Variants in ATXN10 observed in about 807,000 individuals in gnomAD.
ATXN10 encodes the protein ataxin-10.
ATXN10 carries 28 observed loss-of-function variants against 52.9 expected under a neutral mutation model. That is an observed-to-expected ratio of 0.53 (90% CI 0.39 to 0.73). The LOEUF is 0.73. ATXN10 is among the 30% of genes least tolerant of loss of function. The probability of loss-of-function intolerance (pLI) is 0.00; values close to 1 mark genes in which losing one functional copy is unlikely to be tolerated. For synonymous variants in ATXN10, 226 were observed against 221.5 expected, an observed-to-expected ratio of 1.02 and a Z score of -0.18; for missense variants, 565 against 577.0, an observed-to-expected ratio of 0.98 and a Z score of 0.21.
chr22:45,700,551 G>C (rs1944510941), intron 4 of ATXN10, among the ~76,000 whole-genome samples, 173 bp downstream of exon 4: 1 of 151,996 alleles, frequency 6.6e-6, no homozygotes, highest in Non-Finnish European at 1.5e-5. Flanking sequence ...GAAACACCTG[G>C]GTCCTGGAAG....
intron 2 of ATXN10, among the ~76,000 whole-genome samples, chr22:45,691,661 C>T (rs921703817): frequency 6.6e-6 from 1 of 152,280 alleles, no homozygotes; most frequent in South Asian, 2.1e-4. Flanking sequence ...TTTGGGAGGC[C>T]GAGGCGGGTG....
At chr22:45,765,151 A>T (rs148205769) in intron 9 of ATXN10, among the ~76,000 whole-genome samples, 1 of 152,154 alleles carries the variant, frequency 6.6e-6, no homozygotes. Flanking sequence ...AGCCAAGGAG[A>T]TTGCCCTCTC....
At position 45,738,763 on chromosome 22, in the gene ATXN10, C is replaced by T; in HGVS notation, c.927C>T (p.Val309=). Residue 309 remains valine, a synonymous_variant, in exon 8 of 12, where the codon GTC becomes GTT. Transcript: ENST00000252934. ...TGGCTACAATTAGGCTTCTCGACGT[C>T]CTGTGCGAAATGACTGTGAATACTG... ...EALATIRLLD[V]LCEMTVNTEL... 6.2e-7 allele frequency: 1 copy of T among 1,614,126 alleles called. No homozygotes were observed. The highest frequency in any genetic ancestry group is 8.5e-7 in the Non-Finnish European group (1 of 1,180,008).
Position 45,681,041 on chromosome 22 carries a change from C to T in ATXN10, c.117-8671C>T, listed in dbSNP as rs1601585374. Reference sequence around the variant, plus strand: ...TTTCAGACCTTTTTCCTCCATAGACCACTCCAACTTTTAATCTCATGACAT... The same window carrying T: ...TTTCAGACCTTTTTCCTCCATAGACTACTCCAACTTTTAATCTCATGACAT... On this transcript the variant is annotated intron_variant, in intron 1 of 11. Coordinates refer to ENST00000252934, the MANE Select transcript of ATXN10 (RefSeq NM_013236.4). This position sits in a 1 kb window ranked among gnomAD's most constrained non-coding sequence, Gnocchi z 4.2. Among the ~76,000 whole-genome samples the T allele has an allele frequency of 6.6e-6, 1 of 152,046 alleles. No individual in the cohort carries two copies. Among genetic ancestry groups the T allele is most frequent in the African/African-American group, 2.4e-5 (1 of 41,392 alleles).
At chr22:45,822,912 A>C (rs147942432) in intron 10 of ATXN10, among the ~76,000 whole-genome samples, 2 of 152,248 alleles carry the variant, frequency 1.3e-5, no homozygotes, top group East Asian at 3.9e-4. Context: ...TTTTTTGCCC[A>C]TAGTTAGGTG....
At chr22:45,797,373 C>G (rs1249540399) in intron 9 of ATXN10, among the ~76,000 whole-genome samples, 1 of 152,198 alleles carries the variant, frequency 6.6e-6, no homozygotes, top group Non-Finnish European at 1.5e-5. Context: ...TATTCTGTCT[C>G]TACAGCAGAA....
intron 9 of ATXN10, among the ~76,000 whole-genome samples, chr22:45,806,456 T>G (rs1333536559): frequency 6.6e-6 from 1 of 152,216 alleles, no homozygotes; most frequent in Non-Finnish European, 1.5e-5. Flanking sequence ...GCAAATATCT[T>G]CCAAATCCGT....
chr22:45,735,709 C>G (rs1447405126), intron 7 of ATXN10, among the ~76,000 whole-genome samples: 1 of 150,268 alleles, frequency 6.7e-6, no homozygotes, highest in African/African-American at 2.4e-5. Flanking sequence ...CTCAAAGATA[C>G]GAAATGACAG....
chr22:45,822,991 G>A (rs1928701417), intron 10 of ATXN10: 1 of 260,134 alleles, frequency 3.8e-6, no homozygotes, highest in Non-Finnish European at 7.9e-6. Flanking sequence ...AGTTGTATGT[G>A]TTGAAATAGT....
At chr22:45,720,594 G>T (rs1357793984) in intron 6 of ATXN10, among the ~76,000 whole-genome samples, 1 of 152,128 alleles carries the variant, frequency 6.6e-6, no homozygotes, top group Non-Finnish European at 1.5e-5. Context: ...TTCATCTTGT[G>T]TATCAGAAAC....
chr22:45,762,765 C>T lies in ATXN10; in HGVS notation c.1173+22227C>T, dbSNP rs965133951. On this transcript the variant is annotated intron_variant, in intron 9 of 11. Coordinates refer to ENST00000252934, the MANE Select transcript of ATXN10 (RefSeq NM_013236.4). This position sits in a 1 kb window ranked among gnomAD's most constrained non-coding sequence, Gnocchi z 4.3. The stretch of plus-strand genomic sequence containing the variant: ...GCCCCAGCCATCTCTCCACATCCTC[C>T]CCTCCCTGCTGTGGAGCCCCCACTG... Among the ~76,000 whole-genome samples the T allele has an allele frequency of 2.0e-5, 3 of 152,210 alleles. No individual in the cohort carries two copies. Among genetic ancestry groups the T allele is most frequent in the African/African-American group, 7.2e-5 (3 of 41,452 alleles).
rs1351649284 is a variant in ATXN10, at chr22:45,840,241, A to G, written c.1238-2750A>G. 6.6e-6 allele frequency among the ~76,000 whole-genome samples: 1 copy of G among 152,180 alleles called. No homozygotes were observed. Among genetic ancestry groups the G allele is most frequent in the African/African-American group, 2.4e-5 (1 of 41,438 alleles). Reference sequence around the variant, plus strand: ...GCTGGGAACGAGACTCGGTGCTAGGATATCGAAGTCAATTAGATGGGGCTC... The same window carrying G: ...GCTGGGAACGAGACTCGGTGCTAGGGTATCGAAGTCAATTAGATGGGGCTC... On this transcript the variant is annotated intron_variant, in intron 10 of 11. Transcript: ENST00000252934. The surrounding 1 kb of genome is among the most constrained non-coding windows in gnomAD (Gnocchi z 5.8).
chr22:45,702,410 A>G (rs1923875031), intron 4 of ATXN10, among the ~76,000 whole-genome samples: 1 of 152,176 alleles, frequency 6.6e-6, no homozygotes, highest in Non-Finnish European at 1.5e-5. Context: ...ATGTTTTATA[A>G]ATGTAATCAT....
At chr22:45,803,054 A>G (rs914775950) in intron 9 of ATXN10, among the ~76,000 whole-genome samples, 37 of 152,346 alleles carry the variant, frequency 2.4e-4, no homozygotes, top group African/African-American at 8.9e-4. Context: ...TAACAGTGTG[A>G]ATGTCACCAA....
chr22:45,745,530 G>A (rs974701553), intron 9 of ATXN10, among the ~76,000 whole-genome samples: 1 of 152,022 alleles, frequency 6.6e-6, no homozygotes, highest in Non-Finnish European at 1.5e-5. Context: ...TTTACTATAA[G>A]CATACCTTAA....
chr22:45,806,911 T>G, intron 9 of ATXN10, 48 bp from the exon 10 acceptor site: 2 of 1,405,702 alleles, frequency 1.4e-6, no homozygotes, highest in Non-Finnish European at 2.0e-6. Flanking sequence ...AATCTCTGAC[T>G]ATAGCCATGC....
intron 3 of ATXN10, among the ~76,000 whole-genome samples, chr22:45,695,437 A>G (rs1187148365): frequency 6.6e-6 from 1 of 152,072 alleles, no homozygotes; most frequent in East Asian, 1.9e-4. Flanking sequence ...TTGACTTACA[A>G]ATTGTTTTAT....
chr22:45,720,196 T>G (rs1262762522), intron 6 of ATXN10, among the ~76,000 whole-genome samples: 1 of 152,182 alleles, frequency 6.6e-6, no homozygotes, highest in Non-Finnish European at 1.5e-5. Context: ...TCTTATGTAT[T>G]TATTCTCTTT....
At chr22:45,702,277 C>T (rs932333282) in intron 4 of ATXN10, among the ~76,000 whole-genome samples, 2 of 152,132 alleles carry the variant, frequency 1.3e-5, no homozygotes, top group Non-Finnish European at 2.9e-5. Context: ...TATTTCTTGC[C>T]CCACTATACC....
Sources: gnomAD v4.1 joint callset for allele counts (sites outside exome capture counted in the v4.1 genomes callset) on GRCh38, gnomAD v4.1.1 for gene constraint, Gnocchi (gnomAD v3.1) non-coding constraint, MANE v1.5 for transcripts, NCBI Gene and HGNC (gene_info 2026-07-23, HGNC 2026-07-21) for gene names.